DCAF11: variants seen among roughly 807,000 people sequenced by gnomAD.
The protein encoded by DCAF11 is DDB1 and CUL4 associated factor 11, also known as DDB1- and CUL4-associated factor 11.
Under a neutral mutation model 76.1 loss-of-function variants are expected in DCAF11, and 44 were observed. That is an observed-to-expected ratio of 0.58 (90% CI 0.45 to 0.74). The LOEUF (loss-of-function observed/expected upper bound fraction) is 0.74. DCAF11 is among the 30% of genes least tolerant of loss of function. The pLI, the probability that DCAF11 is intolerant of heterozygous loss-of-function variation, is 0.00. For missense variants in DCAF11, 604 were observed against 709.4 expected, an observed-to-expected ratio of 0.85 and a Z score of 1.69; for synonymous variants, 258 against 255.0, an observed-to-expected ratio of 1.01 and a Z score of -0.11.
chr14:24,117,623 G>A lies in DCAF11; in HGVS notation c.412-45G>A, dbSNP rs2037606846. ...GAGGGGGCTTGATATGGCTGAAGTG[G>A]CCCTCTATTTCTGCTAGCAATATTC... is the stretch of plus-strand genomic sequence containing the variant. On this transcript the variant is annotated intron_variant, in intron 4 of 14. Coordinates refer to ENST00000446197, the MANE Select transcript of DCAF11 (RefSeq NM_025230.5). The surrounding 1 kb of genome is among the most constrained non-coding windows in gnomAD (Gnocchi z 4.3). 1 of 1,600,398 alleles carries A rather than the reference G, an allele frequency of 6.2e-7. No homozygotes were observed. The highest frequency in any genetic ancestry group is 8.6e-7 in the Non-Finnish European group (1 of 1,169,032).
intron 12 of DCAF11, 145 bp downstream of exon 12, chr14:24,121,136 T>C: frequency 7.8e-7 from 1 of 1,281,486 alleles, no homozygotes; most frequent in Non-Finnish European, 1.1e-6. Flanking sequence ...GATTGGGGCC[T>C]GGGTGGGGGT....
In DCAF11 at chr14:24,119,172, C is replaced by T. The variant is rs1303687149; in HGVS notation, c.807C>T (p.Phe269=). The change falls in exon 9 of 15, where the codon TTC becomes TTT. Residue 269 remains phenylalanine, a synonymous_variant. Coordinates refer to ENST00000446197, the MANE Select transcript of DCAF11 (RefSeq NM_025230.5). The part of the protein sequence containing the change: ...LRPDERRFAV[F]SIAVSSDGRE... ...CAGATGAGCGTCGCTTTGCTGTCTTCTCCATTGCTGTCTCCTCAGATGGAC... is the reference window on the plus strand; with the variant it reads ...CAGATGAGCGTCGCTTTGCTGTCTTTTCCATTGCTGTCTCCTCAGATGGAC... 1.3e-5 allele frequency: 21 copies of T among 1,614,082 alleles called. No homozygotes were observed. Among genetic ancestry groups the T allele is most frequent in the Non-Finnish European group, 1.7e-5 (20 of 1,180,036 alleles).
rs2037646149 is a variant in DCAF11 at position 24,119,335 on chromosome 14, C to A, written c.848+122C>A. 8.0e-6 allele frequency: 11 copies of A among 1,379,306 alleles called. No individual in the cohort carries two copies. In the Admixed American group the frequency reaches 1.9e-4, roughly 24 times the overall value. 85.4% of individuals were successfully genotyped at this position (1,379,306 alleles called of 1,614,324 possible). A position where few individuals can be genotyped will look rare whatever the true frequency, so the allele number is the denominator to read the frequency against. On this transcript the variant is annotated intron_variant, in intron 9 of 14. Transcript: ENST00000446197. ...GAACAACCAGACCTTCTCCCAAGGT[C>A]AGGATTTACAAGTTGCTTCACCCCT...
At chr14:24,119,049 T>TC in intron 8 of DCAF11, 96 bp from the exon 9 acceptor site, 1 of 1,510,802 alleles carries the variant, frequency 6.6e-7, no homozygotes, top group Non-Finnish European at 9.2e-7. Flanking sequence ...ACTTCTTTTT[T>TC]CCCCTGGGGA....
chr14:24,122,571 TAG>T (rs1411020504), intron 13 of DCAF11, among the ~76,000 whole-genome samples: 10 of 150,234 alleles, frequency 6.7e-5, no homozygotes, highest in Non-Finnish European at 1.5e-4. Flanking sequence ...GTGCTGTCCC[TAG>T]AGAGACACTC....
chr14:24,117,465 A>G lies in DCAF11; in HGVS notation c.411+72A>G. 1 of 1,599,490 alleles carries G rather than the reference A, an allele frequency of 6.3e-7. No homozygotes were observed. The highest frequency in any genetic ancestry group is 8.5e-7 in the Non-Finnish European group (1 of 1,172,428). ...CCAGAAGCTCTGCCAGCCCCAGAGA[A>G]AAAGGAAGTCAACTTTCCAAAGTAG... is the stretch of plus-strand genomic sequence containing the variant. On this transcript the variant is annotated intron_variant, in intron 4 of 14. Transcript: ENST00000446197. The surrounding 1 kb of genome is among the most constrained non-coding windows in gnomAD (Gnocchi z 4.3).
Position 24,116,993 on chromosome 14 carries a change from G to C in DCAF11, c.232G>C (p.Glu78Gln). Residue 78 changes from glutamate (E) to glutamine (Q), a missense_variant, in exon 3 of 15, where the codon GAG becomes CAG. Coordinates refer to ENST00000446197, the MANE Select transcript of DCAF11 (RefSeq NM_025230.5). ...FIQALLDSEEENDRAWDGRLG... is the reference protein window; with the variant it reads ...FIQALLDSEEQNDRAWDGRLG... ...TCAGGCCCTCTTGGACTCAGAGGAA[G>C]AGAATGACAGAGCTTGGGATGGTCG... is the stretch of plus-strand genomic sequence containing the variant. 1 of 1,614,204 alleles carries C rather than the reference G, an allele frequency of 6.2e-7. No homozygotes were observed. Among genetic ancestry groups the C allele is most frequent in the Non-Finnish European group, 8.5e-7 (1 of 1,180,032 alleles).
At position 24,117,713 on chromosome 14, in the gene DCAF11, C is replaced by A. The variant is rs749455490; in HGVS notation, c.457C>A (p.Gln153Lys). 3 of 1,614,006 alleles carry A rather than the reference C, an allele frequency of 1.9e-6. No homozygotes were observed. The highest frequency in any genetic ancestry group is 1.7e-6 in the Non-Finnish European group (2 of 1,180,010). Residue 153 changes from glutamine (Q) to lysine (K), a missense_variant, in exon 5 of 15, where the codon CAG becomes AAG. Transcript: ENST00000446197. This position sits in a 1 kb window ranked among gnomAD's most constrained non-coding sequence, Gnocchi z 4.3. Reference protein sequence around the residue: ...CHRGSFSLGEQSRVISHFLPN... With the variant: ...CHRGSFSLGEKSRVISHFLPN... ...TCGGGGAAGCTTCTCCCTTGGAGAA[C>A]AGTCTCGAGTGATATCTCAGTGAGT...
chr14:24,123,168 C>T lies in DCAF11; in HGVS notation c.1507-7C>T. On this transcript the variant is annotated splice_region_variant and splice_polypyrimidine_tract_variant and intron_variant, in intron 14 of 14. Transcript: ENST00000446197. ...ATCCTGACTGCTTGCCACCCTCTGC[C>T]CTGCAGTGGGACGGGAACCTGCGTC... 1.9e-6 allele frequency: 3 copies of T among 1,613,272 alleles called. No homozygotes were observed. Among genetic ancestry groups the T allele is most frequent in the Non-Finnish European group, 2.5e-6 (3 of 1,179,406 alleles).
intron 13 of DCAF11, 107 bp downstream of exon 13, chr14:24,121,624 A>C: frequency 7.7e-7 from 1 of 1,299,020 alleles, no homozygotes. Context: ...TGACAGCTAC[A>C]GGTAAAATCA....
chr14:24,120,430 G>A (rs759649126), intron 11 of DCAF11, among the ~76,000 whole-genome samples: 16 of 151,938 alleles, frequency 1.1e-4, no homozygotes, highest in East Asian at 1.9e-4. Flanking sequence ...GGTGGCAGTC[G>A]CCTGTAGTCC....
At chr14:24,119,332 G>A in intron 9 of DCAF11, 119 bp downstream of exon 9, 1 of 1,400,936 alleles carries the variant, frequency 7.1e-7, no homozygotes, top group Non-Finnish European at 1.0e-6. Flanking sequence ...CTTCTCCCAA[G>A]GTCAGGATTT....
At chr14:24,118,642 C>A in intron 7 of DCAF11, 108 bp downstream of exon 7, 1 of 1,593,336 alleles carries the variant, frequency 6.3e-7, no homozygotes, top group Non-Finnish European at 8.6e-7. Context: ...GAAAATCACT[C>A]CCAAAGTGCT....
chr14:24,118,979 G>C, intron 8 of DCAF11, 166 bp from the exon 9 acceptor site: 1 of 1,135,652 alleles, frequency 8.8e-7, no homozygotes, highest in South Asian at 1.3e-5. Flanking sequence ...TAAAATAGAT[G>C]GTTGCAGGAT....
At chr14:24,118,641 T>C in intron 7 of DCAF11, 107 bp downstream of exon 7, 1 of 1,593,484 alleles carries the variant, frequency 6.3e-7, no homozygotes, top group Non-Finnish European at 8.6e-7. Flanking sequence ...GGAAAATCAC[T>C]CCCAAAGTGC....
At chr14:24,120,099 C>A (rs2037661231) in intron 11 of DCAF11, among the ~76,000 whole-genome samples, 1 of 152,128 alleles carries the variant, frequency 6.6e-6, no homozygotes, top group Non-Finnish European at 1.5e-5. Context: ...GCAGGGCTTT[C>A]CGTACAAGAA....
At chr14:24,116,870 G>A (rs2037587641) in intron 2 of DCAF11, 47 bp from the exon 3 acceptor site, 3 of 1,612,674 alleles carry the variant, frequency 1.9e-6, no homozygotes, top group East Asian at 2.2e-5. Flanking sequence ...AATTTGGTTG[G>A]TTTGGGGGAA....
At chr14:24,119,418 A>G in intron 9 of DCAF11, 141 bp from the exon 10 acceptor site, 1 of 1,248,764 alleles carries the variant, frequency 8.0e-7, no homozygotes, top group Non-Finnish European at 1.2e-6. Flanking sequence ...AAACACAGCT[A>G]ACTCTTCCCC....
intron 13 of DCAF11, 66 bp downstream of exon 13, chr14:24,121,583 T>C: frequency 6.4e-7 from 1 of 1,557,632 alleles, no homozygotes; most frequent in Non-Finnish European, 8.7e-7. Flanking sequence ...ATTCCACCTA[T>C]AACGACTAGT....
Sources: gnomAD v4.1 joint callset for allele counts (sites outside exome capture counted in the v4.1 genomes callset) on GRCh38, gnomAD v4.1.1 for gene constraint, Gnocchi (gnomAD v3.1) non-coding constraint, MANE v1.5 for transcripts, NCBI Gene and HGNC (gene_info 2026-07-23, HGNC 2026-07-21) for gene names.